Variants in GRIN2B observed in about 807,000 individuals in gnomAD.
The protein encoded by GRIN2B is glutamate ionotropic receptor NMDA type subunit 2B, also known as glutamate receptor ionotropic, NMDA 2B.
A neutral mutation model predicts 114.5 loss-of-function variants in GRIN2B; 5 were observed. The ratio of observed to expected loss-of-function variants is 0.04; its 90% CI spans 0.02 to 0.09. The LOEUF is 0.09. GRIN2B is among the 10% of genes least tolerant of loss of function. The pLI is 1.00. For synonymous variants in GRIN2B, 787 were observed against 745.1 expected (o/e 1.06, Z -0.92); for missense variants, 1,108 against 1,943.5 (o/e 0.57, Z 8.08).
At chr12:13,660,118 A>G (rs906589668) in intron 5 of GRIN2B, among the ~76,000 whole-genome samples, 8 of 152,164 alleles carry the variant, frequency 5.3e-5, no homozygotes, top group Non-Finnish European at 8.8e-5. Flanking sequence ...GAGGGCCCCA[A>G]TACAGAAGCT....
chr12:13,815,985 G>A (rs1002462152), intron 3 of GRIN2B, among the ~76,000 whole-genome samples: 5 of 152,128 alleles, frequency 3.3e-5, no homozygotes, highest in Non-Finnish European at 7.4e-5. Context: ...ACTCCCTGCA[G>A]TTCCTCAGGT....
intron 5 of GRIN2B, among the ~76,000 whole-genome samples, chr12:13,626,786 T>C: frequency 7.0e-6 from 1 of 142,448 alleles, no homozygotes; most frequent in East Asian, 2.2e-4. Flanking sequence ...CATCCCTACC[T>C]CTCCTTCTGA....
intron 5 of GRIN2B, among the ~76,000 whole-genome samples, chr12:13,630,103 A>C (rs1489600735): frequency 6.6e-6 from 1 of 152,164 alleles, no homozygotes; most frequent in Non-Finnish European, 1.5e-5. Flanking sequence ...CCCAATACCT[A>C]GCATAAGGAA....
intron 2 of GRIN2B, among the ~76,000 whole-genome samples, chr12:13,886,563 A>G (rs1282477053): frequency 6.6e-6 from 1 of 152,184 alleles, no homozygotes; most frequent in Admixed American, 6.5e-5. Context: ...CAGGTGGCAA[A>G]GAGAAACAGA....
chr12:13,840,737 T>C (rs1344733556), intron 3 of GRIN2B, among the ~76,000 whole-genome samples: 8 of 152,198 alleles, frequency 5.3e-5, no homozygotes, highest in African/African-American at 1.9e-4. Flanking sequence ...TATTGATTGG[T>C]TCCAAAAATA....
intron 3 of GRIN2B, among the ~76,000 whole-genome samples, chr12:13,756,141 G>A (rs1194152539): frequency 1.3e-5 from 2 of 151,932 alleles, no homozygotes; most frequent in Admixed American, 6.6e-5. Context: ...TCAGCCTCCC[G>A]AGTAGCTGGG....
chr12:13,596,340 G>C (rs1461012742), intron 10 of GRIN2B, among the ~76,000 whole-genome samples: 1 of 152,240 alleles, frequency 6.6e-6, no homozygotes, highest in Non-Finnish European at 1.5e-5. Context: ...TAAGCTGGGA[G>C]ATGTGTAGAG....
At chr12:13,640,751 C>A (rs1405020887) in intron 5 of GRIN2B, among the ~76,000 whole-genome samples, 1 of 152,092 alleles carries the variant, frequency 6.6e-6, no homozygotes, top group Non-Finnish European at 1.5e-5. Flanking sequence ...CAAGGCATAG[C>A]CAAATTTCCC....
chr12:13,643,956 T>C (rs542438669), intron 5 of GRIN2B, among the ~76,000 whole-genome samples: 8 of 152,164 alleles, frequency 5.3e-5, no homozygotes, highest in Admixed American at 1.3e-4. Flanking sequence ...CACTGAAGTC[T>C]TGAATTCCTT....
intron 2 of GRIN2B, among the ~76,000 whole-genome samples, chr12:13,894,634 T>C (rs1355688054): frequency 6.6e-6 from 1 of 152,174 alleles, no homozygotes; most frequent in Non-Finnish European, 1.5e-5. Context: ...AATGAACTTA[T>C]GTTATTTTTA....
chr12:13,965,377 A>AT (rs1867772672), intron 2 of GRIN2B, among the ~76,000 whole-genome samples: 1 of 152,072 alleles, frequency 6.6e-6, no homozygotes, highest in Non-Finnish European at 1.5e-5. Flanking sequence ...GTCCTCTGTG[A>AT]TTTTCCCAAA....
intron 4 of GRIN2B, among the ~76,000 whole-genome samples, chr12:13,752,719 C>G (rs575053938): frequency 6.6e-6 from 1 of 152,246 alleles, no homozygotes; most frequent in South Asian, 2.1e-4. Flanking sequence ...GCATCCTCAC[C>G]CTTAAAGGCA....
At chr12:13,968,285 T>G (rs1345045861) in intron 2 of GRIN2B, among the ~76,000 whole-genome samples, 1 of 152,222 alleles carries the variant, frequency 6.6e-6, no homozygotes, top group Non-Finnish European at 1.5e-5. Context: ...CAGGATGCAG[T>G]TATTAATTAT....
chr12:13,567,304 G>A (rs200184589), intron 12 of GRIN2B, 41 bp from the exon 13 acceptor site: 3 of 1,408,714 alleles, frequency 2.1e-6, no homozygotes, highest in Admixed American at 1.7e-5. Context: ...AAAAAGAGGA[G>A]ACAGGAAAGG....
At chr12:13,704,253 C>G (rs1480973089) in intron 4 of GRIN2B, among the ~76,000 whole-genome samples, 1 of 152,108 alleles carries the variant, frequency 6.6e-6, no homozygotes, top group Non-Finnish European at 1.5e-5. Context: ...GGGGGCTACA[C>G]CACCACCATG....
intron 2 of GRIN2B, among the ~76,000 whole-genome samples, chr12:13,947,395 A>C (rs1867380994): frequency 6.6e-6 from 1 of 152,150 alleles, no homozygotes; most frequent in Non-Finnish European, 1.5e-5. Context: ...CATAGGGATG[A>C]GTCAGCAGCT....
At chr12:13,867,718 C>T (rs1865849125) in intron 2 of GRIN2B, among the ~76,000 whole-genome samples, 1 of 152,050 alleles carries the variant, frequency 6.6e-6, no homozygotes, top group Non-Finnish European at 1.5e-5. Flanking sequence ...ATGTAATTAT[C>T]CAAGGTCAAT....
At chr12:13,714,073 T>C (rs1004688048) in intron 4 of GRIN2B, among the ~76,000 whole-genome samples, 2 of 151,836 alleles carry the variant, frequency 1.3e-5, no homozygotes, top group African/African-American at 4.8e-5. Context: ...TCTAAAAATG[T>C]ACCCTACATC....
chr12:13,636,965 G>C (rs1012097105), intron 5 of GRIN2B, among the ~76,000 whole-genome samples: 1 of 152,114 alleles, frequency 6.6e-6, no homozygotes, highest in African/African-American at 2.4e-5. Context: ...CTAAAATGAG[G>C]AACATGGAGG....
Sources: gnomAD v4.1 joint callset for allele counts (sites outside exome capture counted in the v4.1 genomes callset) on GRCh38, gnomAD v4.1.1 for gene constraint, MANE v1.5 for transcripts, NCBI Gene and HGNC (gene_info 2026-07-23, HGNC 2026-07-21) for gene names.